CDH10: variants seen among roughly 807,000 people sequenced by gnomAD.
CDH10 encodes cadherin 10.
CDH10 carries 30 observed loss-of-function variants against 73.1 expected under a neutral mutation model. That is an observed-to-expected ratio of 0.41 (90% CI 0.31 to 0.56). The LOEUF is 0.56. Ranked by LOEUF, CDH10 falls within the 20% of genes least tolerant of loss-of-function variation. CDH10 has a pLI of 0.27. For missense variants in CDH10, 815 were observed against 973.7 expected, an observed-to-expected ratio of 0.84 and a Z score of 2.17; for synonymous variants, 345 against 348.2, an observed-to-expected ratio of 0.99 and a Z score of 0.10.
chr5:24,507,335 T>C (rs896090926), intron 7 of CDH10, among the ~76,000 whole-genome samples: 3 of 151,506 alleles, frequency 2.0e-5, no homozygotes, highest in South Asian at 2.1e-4. Flanking sequence ...GGAGCTATTA[T>C]TTTTGCTATA....
At chr5:24,595,624 G>A (rs933679422) in intron 1 of CDH10, among the ~76,000 whole-genome samples, 14 of 152,006 alleles carry the variant, frequency 9.2e-5, no homozygotes, top group Middle Eastern at 3.4e-3. Context: ...GGATGTGCCA[G>A]ACAGTATTCT....
chr5:24,608,062 G>C (rs575684171), intron 1 of CDH10, among the ~76,000 whole-genome samples: 1 of 152,124 alleles, frequency 6.6e-6, no homozygotes, highest in African/African-American at 2.4e-5. Flanking sequence ...AAAAACACTA[G>C]TGTATGTAAG....
intron 5 of CDH10, among the ~76,000 whole-genome samples, chr5:24,534,180 A>C (rs1743855592): frequency 6.6e-6 from 1 of 152,144 alleles, no homozygotes; most frequent in African/African-American, 2.4e-5. Context: ...ACTGCCTTTA[A>C]ATTTTAATAC....
chr5:24,497,950 AT>A (rs1354695787), intron 9 of CDH10, among the ~76,000 whole-genome samples: 13 of 152,218 alleles, frequency 8.5e-5, no homozygotes, highest in African/African-American at 3.1e-4. Flanking sequence ...TGCTGCCCTG[AT>A]GCAAAACCGT....
intron 1 of CDH10, among the ~76,000 whole-genome samples, chr5:24,616,873 T>C (rs1747146634): frequency 1.3e-5 from 2 of 152,322 alleles, no homozygotes; most frequent in Non-Finnish European, 2.9e-5. Flanking sequence ...CTAGCAGTTA[T>C]CTTATCAATA....
intron 2 of CDH10, among the ~76,000 whole-genome samples, chr5:24,550,120 AC>A (rs1744491781): frequency 6.6e-6 from 1 of 152,174 alleles, no homozygotes; most frequent in Non-Finnish European, 1.5e-5. Context: ...AATATACAAA[AC>A]AATAATAGTC....
At chr5:24,580,080 T>C (rs1005829784) in intron 2 of CDH10, among the ~76,000 whole-genome samples, 8 of 152,122 alleles carry the variant, frequency 5.3e-5, no homozygotes, top group African/African-American at 1.9e-4. Flanking sequence ...AAAAACTCCA[T>C]ATATAATACT....
chr5:24,633,345 CG>C (rs1424161972), intron 1 of CDH10, among the ~76,000 whole-genome samples: 2 of 151,524 alleles, frequency 1.3e-5, no homozygotes, highest in African/African-American at 4.8e-5. Flanking sequence ...TTGGTGAATA[CG>C]TATGTTACAC....
At chr5:24,498,119 A>G (rs1742358927) in intron 9 of CDH10, among the ~76,000 whole-genome samples, 1 of 152,186 alleles carries the variant, frequency 6.6e-6, no homozygotes, top group South Asian at 2.1e-4. Context: ...TTGTTTTTGA[A>G]AATTTTGAAA....
intron 1 of CDH10, among the ~76,000 whole-genome samples, chr5:24,616,549 C>A (rs1010041916): frequency 6.6e-6 from 1 of 151,132 alleles, no homozygotes; most frequent in African/African-American, 2.4e-5. Context: ...TAGTAGATTG[C>A]AATTTTTTTT....
At chr5:24,584,179 A>C (rs1745899785) in intron 2 of CDH10, among the ~76,000 whole-genome samples, 1 of 152,122 alleles carries the variant, frequency 6.6e-6, no homozygotes, top group African/African-American at 2.4e-5. Context: ...TTATCAGGCT[A>C]CATCAAGTTT....
At chr5:24,488,275 A>C (rs1741920172) in intron 11 of CDH10, 122 bp from the exon 12 acceptor site, 3 of 852,660 alleles carry the variant, frequency 3.5e-6, no homozygotes, top group Non-Finnish European at 5.3e-6. Flanking sequence ...CTTTCAGATT[A>C]ATTTTGTGCT....
At chr5:24,579,590 T>A (rs13169192) in intron 2 of CDH10, among the ~76,000 whole-genome samples, 58,109 of 151,816 alleles carry the variant, frequency 0.38, 13,522 homozygotes, top group East Asian at 0.54. Flanking sequence ...ACTTATAACC[T>A]CATGGAAACC....
intron 1 of CDH10, among the ~76,000 whole-genome samples, chr5:24,604,021 A>G (rs2112124856): frequency 6.6e-6 from 1 of 152,340 alleles, no homozygotes; most frequent in African/African-American, 2.4e-5. Context: ...AGTTTTACAT[A>G]AAAACAATTA....
At chr5:24,533,241 C>T (rs915281837) in intron 5 of CDH10, among the ~76,000 whole-genome samples, 10 of 151,786 alleles carry the variant, frequency 6.6e-5, no homozygotes, top group Admixed American at 2.0e-4. Flanking sequence ...GCAGGAGAAT[C>T]ACTTGAACCC....
At chr5:24,544,426 G>C (rs1744266321) in intron 2 of CDH10, among the ~76,000 whole-genome samples, 1 of 152,060 alleles carries the variant, frequency 6.6e-6, no homozygotes, top group Admixed American at 6.5e-5. Flanking sequence ...AATTTCTTTC[G>C]GGGACCAGAG....
chr5:24,554,519 T>TCAC (rs1561159634), intron 2 of CDH10, among the ~76,000 whole-genome samples: 6 of 148,974 alleles, frequency 4.0e-5, no homozygotes, highest in South Asian at 2.1e-4. Flanking sequence ...TGTGTGTGTG[T>TCAC]GCACGTGCAT....
intron 1 of CDH10, among the ~76,000 whole-genome samples, chr5:24,641,636 GCTT>G (rs1443265270): frequency 6.6e-6 from 1 of 151,942 alleles, no homozygotes; most frequent in East Asian, 1.9e-4. Flanking sequence ...TTCCGAGAAC[GCTT>G]CTTTTTACTA....
Position 24,511,508 on chromosome 5 carries a change from A to C in CDH10, c.821T>G (p.Ile274Ser). 6.6e-7 allele frequency: 1 copy of C among 1,505,770 alleles called. No homozygotes were observed. The highest frequency in any genetic ancestry group is 1.1e-5 in the South Asian group (1 of 89,114). 93.3% of individuals were successfully genotyped at this position (1,505,770 alleles called of 1,614,324 possible). A position where few individuals can be genotyped will look rare whatever the true frequency, so the allele number is the denominator to read the frequency against. ...GGAGGATTCAAGAACTCGAAGATGA[A>C]TAGTGTCTGTAAAGTATAAAGAAAA... ...DNPPRFPQNTIHLRVLESSPV... is the reference protein window; with the variant it reads ...DNPPRFPQNTSHLRVLESSPV... The change falls in exon 6 of 12, where the codon ATT (isoleucine) becomes AGT (serine). Residue 274 changes from isoleucine (I) to serine (S), a missense_variant. This residue lies in a region of CDH10 where 516 missense variants were observed against 636.6 expected (regional missense o/e 0.81). Coordinates refer to ENST00000264463, the MANE Select transcript of CDH10 (RefSeq NM_006727.5).
Sources: allele counts gnomAD v4.1 joint callset (sites outside exome capture counted in the v4.1 genomes callset), GRCh38; gene constraint gnomAD v4.1.1; regional missense constraint gnomAD v4.1.1; transcripts MANE v1.5; gene names NCBI Gene and HGNC (gene_info 2026-07-23, HGNC 2026-07-21).